GAD1: variants seen among roughly 807,000 people sequenced by gnomAD.
GAD1 encodes the protein 67 kDa glutamic acid decarboxylase.
In GAD1, 35 loss-of-function variants were observed where a neutral mutation model predicts 75.2. That is an observed-to-expected ratio of 0.47 (90% CI 0.36 to 0.62). The LOEUF (loss-of-function observed/expected upper bound fraction) is 0.62. GAD1 is among the 20% of genes least tolerant of loss of function. The pLI is 0.00. For synonymous variants in GAD1, 257 were observed against 271.9 expected, an observed-to-expected ratio of 0.95 and a Z score of 0.54; for missense variants, 490 against 758.5, an observed-to-expected ratio of 0.65 and a Z score of 4.16.
chr2:170,813,509 A>T (rs1701646258), upstream of GAD1: 5 of 152,516 alleles, frequency 3.3e-5, no homozygotes, highest in South Asian at 1.0e-3. Flanking sequence ...ACGAACCAAT[A>T]CCATGGCTCT....
intron 15 of GAD1, 44 bp downstream of exon 15, chr2:170,857,169 A>T: frequency 6.8e-7 from 1 of 1,475,930 alleles, no homozygotes; most frequent in Non-Finnish European, 9.5e-7. Flanking sequence ...TTCCAGAAAA[A>T]CTGCTGAGGG....
intron 11 of GAD1, chr2:170,848,673 A>G (rs781010455): frequency 2.0e-6 from 1 of 512,486 alleles, no homozygotes; most frequent in Non-Finnish European, 3.9e-6. Flanking sequence ...CTCTCTGCCC[A>G]TTTTCTTAGG....
chr2:170,842,292 A>G (rs546236211), intron 6 of GAD1, among the ~76,000 whole-genome samples: 22 of 152,214 alleles, frequency 1.4e-4, no homozygotes, highest in African/African-American at 5.3e-4. Flanking sequence ...CCAGTCTTTG[A>G]TATGGTTCTG....
In GAD1 at chr2:170,822,080, G is replaced by A. The variant is rs1021128997; in HGVS notation, c.83-7G>A. 2 of 1,606,314 alleles carry A rather than the reference G, an allele frequency of 1.2e-6. No individual in the cohort carries two copies. Among genetic ancestry groups the A allele is most frequent in the African/African-American group, 1.3e-5 (1 of 74,764 alleles). On this transcript the variant is annotated splice_polypyrimidine_tract_variant and splice_region_variant and intron_variant, in intron 2 of 16. Transcript: ENST00000358196. ...AACCGAACCTCTCTCCCTCTCTCTC[G>A]TCCTAGCGTACGATACCTGGTGCGG...
chr2:170,831,329 C>A (rs1006414800), intron 5 of GAD1, 137 bp downstream of exon 5: 5 of 984,686 alleles, frequency 5.1e-6, no homozygotes, highest in Admixed American at 1.8e-5. Flanking sequence ...ACCCAGTGAC[C>A]ACAAGAACAA....
At chr2:170,856,937 A>T in intron 14 of GAD1, 81 bp from the exon 15 acceptor site, 1 of 1,091,732 alleles carries the variant, frequency 9.2e-7, no homozygotes, top group Non-Finnish European at 1.4e-6. Flanking sequence ...TTTATTTCCC[A>T]TAGACAGGGA....
At chr2:170,830,195 C>A (rs1455589432) in intron 4 of GAD1, among the ~76,000 whole-genome samples, 1 of 152,222 alleles carries the variant, frequency 6.6e-6, no homozygotes, top group African/African-American at 2.4e-5. Flanking sequence ...CCACAGAAGG[C>A]AGACCAGAGT....
At chr2:170,823,195 TGC>T (rs966487228) in intron 3 of GAD1, among the ~76,000 whole-genome samples, 4 of 152,158 alleles carry the variant, frequency 2.6e-5, no homozygotes, top group South Asian at 2.1e-4. Context: ...CGTCAGCTCC[TGC>T]GCGCGGGAGA....
intron 3 of GAD1, among the ~76,000 whole-genome samples, chr2:170,826,792 G>A (rs1057035039): frequency 6.6e-6 from 1 of 152,124 alleles, no homozygotes; most frequent in African/African-American, 2.4e-5. Flanking sequence ...ACTACATGAG[G>A]CCACATGGGT....
chr2:170,847,842 C>G (rs749961643), intron 11 of GAD1, 50 bp downstream of exon 11: 36 of 1,221,032 alleles, frequency 2.9e-5, no homozygotes, highest in Non-Finnish European at 3.8e-5. Context: ...GGAGGCACCT[C>G]TTTTTTATGA....
rs373893680 is a variant in GAD1 at position 170,847,110 on chromosome 2, C to A, written c.1003-566C>A. On this transcript the variant is annotated intron_variant, in intron 10 of 16. Transcript: ENST00000358196. ...GTTTATGTCAACATTTAACCACGTCCACTGTTAGTGAGTGTATCAGCTTTC... is the reference window on the plus strand; with the variant it reads ...GTTTATGTCAACATTTAACCACGTCAACTGTTAGTGAGTGTATCAGCTTTC... Among the ~76,000 whole-genome samples the A allele has an allele frequency of 1.7e-4, 26 of 152,310 alleles. No homozygotes were observed. In the South Asian group the frequency reaches 5.4e-3, roughly 32 times the overall value.
At chr2:170,823,745 C>T (rs1336685215) in intron 3 of GAD1, among the ~76,000 whole-genome samples, 2 of 151,968 alleles carry the variant, frequency 1.3e-5, no homozygotes, top group Non-Finnish European at 2.9e-5. Context: ...CTTCTGCAGC[C>T]GTCATTGTCA....
intron 11 of GAD1, 132 bp from the exon 12 acceptor site, chr2:170,849,154 A>G: frequency 1.3e-6 from 1 of 785,956 alleles, no homozygotes; most frequent in South Asian, 1.5e-5. Context: ...GTGTGGGCTG[A>G]ACTTTTCTGA....
Position 170,829,627 on chromosome 2 carries a change from G to C in GAD1, c.298G>C (p.Ala100Pro). Residue 100 changes from alanine (A) to proline (P), a missense_variant, in exon 4 of 17, where the codon GCT becomes CCT. By Grantham distance (27) the Ala-to-Pro change is conservative (BLOSUM62 -1). This residue lies in a region of GAD1 where 165 missense variants were observed against 216.4 expected (regional missense o/e 0.76). Coordinates refer to ENST00000358196, the MANE Select transcript of GAD1 (RefSeq NM_000817.3). Reference protein sequence around the residue: ...RTETDFSNLFARDLLPAKNGE... With the variant: ...RTETDFSNLFPRDLLPAKNGE... ...AGAGACTGACTTCTCTAATCTGTTT[G>C]CTAGAGGTAGCCCCTGCCCCACTCC... 6.2e-7 allele frequency: 1 copy of C among 1,612,956 alleles called. No individual in the cohort carries two copies. The highest frequency in any genetic ancestry group is 8.5e-7 in the Non-Finnish European group (1 of 1,180,030).
At chr2:170,849,174 G>C (rs919995421) in intron 11 of GAD1, 112 bp from the exon 12 acceptor site, 2 of 920,714 alleles carry the variant, frequency 2.2e-6, no homozygotes, top group Admixed American at 1.9e-5. Flanking sequence ...AGAAACTTAT[G>C]TTTTTCACCT....
At chr2:170,837,185 T>C (rs550185550) in intron 6 of GAD1, among the ~76,000 whole-genome samples, 20 of 152,328 alleles carry the variant, frequency 1.3e-4, no homozygotes, top group African/African-American at 4.3e-4. Flanking sequence ...AAAGAGGTTA[T>C]GTTTTGAGGT....
At chr2:170,859,007 G>A in intron 16 of GAD1, 114 bp downstream of exon 16, 1 of 977,676 alleles carries the variant, frequency 1.0e-6, no homozygotes, top group Non-Finnish European at 1.6e-6. Flanking sequence ...AAAGCCTTGG[G>A]GTGGGTTTCT....
chr2:170,857,343 T>C (rs193258648), intron 15 of GAD1, among the ~76,000 whole-genome samples: 3 of 152,318 alleles, frequency 2.0e-5, no homozygotes, highest in Admixed American at 2.0e-4. Flanking sequence ...TTTACATCTT[T>C]TAAAACTGTG....
chr2:170,814,567 A>T (rs1701663451), upstream of GAD1, among the ~76,000 whole-genome samples: 1 of 152,232 alleles, frequency 6.6e-6, no homozygotes, highest in Non-Finnish European at 1.5e-5. Flanking sequence ...GGCGTGCAGG[A>T]TAATATAAAC....
Sources: gnomAD v4.1 joint callset for allele counts (sites outside exome capture counted in the v4.1 genomes callset) on GRCh38, gnomAD v4.1.1 for gene constraint, gnomAD v4.1.1 regional missense constraint, MANE v1.5 for transcripts, NCBI Gene and HGNC (gene_info 2026-07-23, HGNC 2026-07-21) for gene names.